The following MAFK variants were observed in gnomAD, a reference collection of about 807,000 sequenced individuals.
The protein encoded by MAFK is MAF bZIP transcription factor K.
In MAFK, 1 loss-of-function variant was observed where a neutral mutation model predicts 9.2. That is an observed-to-expected ratio of 0.11 (90% CI 0.04 to 0.52). The LOEUF (loss-of-function observed/expected upper bound fraction) is 0.52, where lower values mean the gene tolerates loss of function less well. Among genes scored for constraint, MAFK ranks in the 20% least tolerant of loss-of-function variants. The pLI is 0.94. For synonymous variants in MAFK, 110 were observed against 107.4 expected (o/e 1.02, Z -0.15); for missense variants, 207 against 236.0 (o/e 0.88, Z 0.81).
chr7:1,540,105 C>A lies in MAFK; in HGVS notation c.201C>A (p.Ser67Arg). Residue 67 changes from serine to arginine, a missense_variant, in exon 3 of 3, where the codon AGC becomes AGA. By Grantham distance (110) the Ser-to-Arg change is moderately radical. Coordinates refer to ENST00000343242, the MANE Select transcript of MAFK (RefSeq NM_002360.4). ...TCAAGAACCGCGGCTACGCGGCCAGCTGCCGCATCAAGCGGGTGACGCAGA... is the reference window on the plus strand; with the variant it reads ...TCAAGAACCGCGGCTACGCGGCCAGATGCCGCATCAAGCGGGTGACGCAGA... Reference protein sequence around the residue: ...RTLKNRGYAASCRIKRVTQKE... With the variant: ...RTLKNRGYAARCRIKRVTQKE... 1 of 1,569,694 alleles carries A rather than the reference C, an allele frequency of 6.4e-7. No homozygotes were observed. The highest frequency in any genetic ancestry group is 8.6e-7 in the Non-Finnish European group (1 of 1,157,396).
At chr7:1,536,859 G>C (rs1784042404) in intron 1 of MAFK, among the ~76,000 whole-genome samples, 1 of 152,228 alleles carries the variant, frequency 6.6e-6, no homozygotes, top group African/African-American at 2.4e-5. Flanking sequence ...GCTGGTCCAG[G>C]CTTCCTCGGC....
At position 1,542,226 on chromosome 7, in the gene MAFK, G is replaced by C. The variant is rs1172485417; in HGVS notation, c.*1851G>C. ...AGGGGGATATTTAAAGAGAGAAACA[G>C]AAAATATATAGAGATATAAAATTAT... is the stretch of plus-strand genomic sequence containing the variant. On this transcript the variant is annotated 3_prime_UTR_variant, in exon 3 of 3. Transcript: ENST00000343242. The C allele has an allele frequency of 3.3e-5, 5 of 152,552 alleles. No homozygotes were observed. The allele number at this position is 152,552 out of a possible 1,614,324, so 9.4% of individuals were successfully genotyped here.
Position 1,540,589 on chromosome 7 carries a change from C to G in MAFK, c.*214C>G, listed in dbSNP as rs551070921. ...AGCTGCACGCCGGTCCACAGACACACTCACGCCCGCCACCTGCTCCCCGCA... is the reference window on the plus strand; with the variant it reads ...AGCTGCACGCCGGTCCACAGACACAGTCACGCCCGCCACCTGCTCCCCGCA... On this transcript the variant is annotated 3_prime_UTR_variant, in exon 3 of 3. Transcript: ENST00000343242. 4 of 554,622 alleles carry G rather than the reference C, an allele frequency of 7.2e-6. No homozygotes were observed. The highest frequency in any genetic ancestry group is 1.3e-5 in the Non-Finnish European group (4 of 317,996). 34.4% of individuals were successfully genotyped at this position (554,622 alleles called of 1,614,324 possible).
chr7:1,537,892 C>A, intron 1 of MAFK: 1 of 168,680 alleles, frequency 5.9e-6, no homozygotes, highest in Non-Finnish European at 1.2e-5. Flanking sequence ...AGGTGCTGAC[C>A]AAGGACACCC....
chr7:1,540,867 C>A lies in MAFK; in HGVS notation c.*492C>A, dbSNP rs573154061. 2.5e-5 allele frequency: 4 copies of A among 162,490 alleles called. No individual in the cohort carries two copies. In the South Asian group the frequency reaches 7.4e-4, roughly 30 times the overall value. 10.1% of individuals were successfully genotyped at this position (162,490 alleles called of 1,614,324 possible). On this transcript the variant is annotated 3_prime_UTR_variant, in exon 3 of 3. Coordinates refer to ENST00000343242, the MANE Select transcript of MAFK (RefSeq NM_002360.4). ...TCACTGCCCTGACCGACTCCGCAGTCCCCGGGGAGGAGCATGGATGGTGTG... is the reference window on the plus strand; with the variant it reads ...TCACTGCCCTGACCGACTCCGCAGTACCCGGGGAGGAGCATGGATGGTGTG...
chr7:1,531,712 A>G (rs948059461), intron 1 of MAFK, among the ~76,000 whole-genome samples: 2 of 151,864 alleles, frequency 1.3e-5, no homozygotes, highest in Non-Finnish European at 2.9e-5. Context: ...CACAGCCTCT[A>G]GATCCTGGGG....
chr7:1,533,289 G>A (rs953141483), intron 1 of MAFK, among the ~76,000 whole-genome samples: 5 of 152,208 alleles, frequency 3.3e-5, no homozygotes, highest in Admixed American at 6.5e-5. Flanking sequence ...CCTCCCATGC[G>A]GGGCCGGCTC....
At chr7:1,535,522 G>T (rs1002975624) in intron 1 of MAFK, among the ~76,000 whole-genome samples, 2 of 152,214 alleles carry the variant, frequency 1.3e-5, no homozygotes, top group African/African-American at 2.4e-5. Flanking sequence ...GGGTGTGGGG[G>T]TGCCCACCCG....
chr7:1,531,103 G>T (rs1407852716), intron 1 of MAFK, among the ~76,000 whole-genome samples: 2 of 148,364 alleles, frequency 1.3e-5, no homozygotes, highest in Non-Finnish European at 3.0e-5. Flanking sequence ...CCGCAGGCCC[G>T]GGGGCTTCCC....
chr7:1,541,063 T>G lies in MAFK; in HGVS notation c.*688T>G, dbSNP rs1784173004. ...GCAGCAGGGCTGAGGGGGTGCAGCT[T>G]GCTGGTGTTCACTGGGGGAGGGCCT... On this transcript the variant is annotated 3_prime_UTR_variant, in exon 3 of 3. Coordinates refer to ENST00000343242, the MANE Select transcript of MAFK (RefSeq NM_002360.4). 1 of 153,198 alleles carries G rather than the reference T, an allele frequency of 6.5e-6. No homozygotes were observed. Among genetic ancestry groups the G allele is most frequent in the South Asian group, 2.1e-4 (1 of 4,834 alleles). 9.5% of individuals were successfully genotyped at this position (153,198 alleles called of 1,614,324 possible). A position where few individuals can be genotyped will look rare whatever the true frequency, so the allele number is the denominator to read the frequency against.
chr7:1,535,508 C>A lies in MAFK; in HGVS notation c.-44-3641C>A, dbSNP rs550560496. ...TGTCTCTACAAAAAAGTTTAAAATT[C>A]TCTGGGTGTGGGGGTGCCCACCCGT... is the stretch of plus-strand genomic sequence containing the variant. On this transcript the variant is annotated intron_variant, in intron 1 of 2. Transcript: ENST00000343242. 9.5e-4 allele frequency among the ~76,000 whole-genome samples: 144 copies of A among 152,274 alleles called. 5 individuals are homozygous for A. In the South Asian group the frequency reaches 0.029, roughly 30 times the overall value.
chr7:1,534,188 C>T lies in MAFK; in HGVS notation c.-45+3290C>T. On this transcript the variant is annotated intron_variant, in intron 1 of 2. Transcript: ENST00000343242. The surrounding 1 kb of genome is among the most constrained non-coding windows in gnomAD (Gnocchi z 4.3). The stretch of plus-strand genomic sequence containing the variant: ...GGTGCCTCCCGCATGCTTAGTGGGG[C>T]TGTGTCCGGGACAGCCGGACAGTGG... 4.4e-6 allele frequency: 2 copies of T among 452,452 alleles called. No individual in the cohort carries two copies. Among genetic ancestry groups the T allele is most frequent in the Non-Finnish European group, 8.9e-6 (2 of 223,990 alleles). The allele number at this position is 452,452 out of a possible 1,614,324, so 28.0% of individuals were successfully genotyped here. A position where few individuals can be genotyped will look rare whatever the true frequency, so the allele number is the denominator to read the frequency against.
In MAFK at chr7:1,537,711, CTTG is replaced by C. The variant is rs1042249233; in HGVS notation, c.-44-1433_-44-1431del. 8.1e-6 allele frequency: 8 copies of C among 985,564 alleles called. No homozygotes were observed. In the African/African-American group the frequency reaches 8.7e-5, roughly 11 times the overall value. 61.1% of individuals were successfully genotyped at this position (985,564 alleles called of 1,614,324 possible). The stretch of plus-strand genomic sequence containing the variant: ...GACCCTGTCTCACCTGTGCGGCCCT[CTTG>C]TTGTGGGGGTTTGTGGGTTGCGGGG... On this transcript the variant is annotated intron_variant, in intron 1 of 2. Coordinates refer to ENST00000343242, the MANE Select transcript of MAFK (RefSeq NM_002360.4).
In MAFK at chr7:1,534,832, T is replaced by C. The variant is rs998864193; in HGVS notation, c.-45+3934T>C. On this transcript the variant is annotated intron_variant, in intron 1 of 2. Transcript: ENST00000343242. This position sits in a 1 kb window ranked among gnomAD's most constrained non-coding sequence, Gnocchi z 4.3. ...CAAAGCTGAAATCCCCGTTTCTCTATGGGCATCCACAGCCGGGACCGTTCA... is the reference window on the plus strand; with the variant it reads ...CAAAGCTGAAATCCCCGTTTCTCTACGGGCATCCACAGCCGGGACCGTTCA... 182 of 353,504 alleles carry C rather than the reference T, an allele frequency of 5.1e-4. No homozygotes were observed. Among genetic ancestry groups the C allele is most frequent in the Middle Eastern group, 3.9e-4 (1 of 2,584 alleles). 21.9% of individuals were successfully genotyped at this position (353,504 alleles called of 1,614,324 possible). A position where few individuals can be genotyped will look rare whatever the true frequency, so the allele number is the denominator to read the frequency against.
At chr7:1,536,170 G>A (rs1784023886) in intron 1 of MAFK, among the ~76,000 whole-genome samples, 1 of 152,230 alleles carries the variant, frequency 6.6e-6, no homozygotes, top group Non-Finnish European at 1.5e-5. Context: ...ACTTACGTCG[G>A]CTGCTGGGGC....
intron 1 of MAFK, chr7:1,537,730 G>C: frequency 1.0e-6 from 1 of 984,244 alleles, no homozygotes; most frequent in Non-Finnish European, 1.2e-6. Context: ...GGGGTTTGTG[G>C]GTTGCGGGGG....
chr7:1,539,151 A>G lies in MAFK; in HGVS notation c.-42A>G. On this transcript the variant is annotated splice_region_variant and 5_prime_UTR_variant, in exon 2 of 3. Coordinates refer to ENST00000343242, the MANE Select transcript of MAFK (RefSeq NM_002360.4). ...CTCTGCTTGTCCATGTTTTCCAGCT[A>G]CGAGTTCCAGGGAGCTCTGTCCTGG... 6.2e-7 allele frequency: 1 copy of G among 1,612,142 alleles called. No individual in the cohort carries two copies.
rs1256385993 is a variant in MAFK at position 1,534,590 on chromosome 7, C to T, written c.-45+3692C>T. 6 of 456,374 alleles carry T rather than the reference C, an allele frequency of 1.3e-5. No homozygotes were observed. The highest frequency in any genetic ancestry group is 2.3e-5 in the Admixed American group (1 of 42,568). 28.3% of individuals were successfully genotyped at this position (456,374 alleles called of 1,614,324 possible). A position where few individuals can be genotyped will look rare whatever the true frequency, so the allele number is the denominator to read the frequency against. The stretch of plus-strand genomic sequence containing the variant: ...TTCCTCCTGCCCCTCCTCCCTCTCC[C>T]GCATCCCACATCCTCGGAGACCCGC... On this transcript the variant is annotated intron_variant, in intron 1 of 2. Transcript: ENST00000343242. This position sits in a 1 kb window ranked among gnomAD's most constrained non-coding sequence, Gnocchi z 4.3.
chr7:1,538,172 A>G lies in MAFK; in HGVS notation c.-44-977A>G, dbSNP rs540119361. The stretch of plus-strand genomic sequence containing the variant: ...CGGTCCCAAGGTCGCCATGGCAACT[A>G]TCGGAGGGCTCATGCCGGGGATGCT... On this transcript the variant is annotated intron_variant, in intron 1 of 2. Coordinates refer to ENST00000343242, the MANE Select transcript of MAFK (RefSeq NM_002360.4). 13 of 691,008 alleles carry G rather than the reference A, an allele frequency of 1.9e-5. No individual in the cohort carries two copies. In the South Asian group the frequency reaches 3.2e-4, roughly 17 times the overall value. The allele number at this position is 691,008 out of a possible 1,614,324, so 42.8% of individuals were successfully genotyped here.
Sources: gnomAD v4.1 joint callset for allele counts (sites outside exome capture counted in the v4.1 genomes callset) on GRCh38, gnomAD v4.1.1 for gene constraint, Gnocchi (gnomAD v3.1) non-coding constraint, MANE v1.5 for transcripts, NCBI Gene and HGNC (gene_info 2026-07-23, HGNC 2026-07-21) for gene names.